Variants in ABHD2 observed in about 807,000 individuals in gnomAD.
ABHD2 encodes the protein monoacylglycerol lipase ABHD2.
ABHD2 carries 20 observed loss-of-function variants against 48.1 expected under a neutral mutation model. The ratio of observed to expected loss-of-function variants is 0.42; its 90% CI spans 0.29 to 0.60. The LOEUF is 0.60. Ranked by LOEUF, ABHD2 falls within the 20% of genes least tolerant of loss-of-function variation. The pLI is 0.24. For missense variants in ABHD2, 405 were observed against 550.9 expected (o/e 0.74, Z 2.65); for synonymous variants, 209 against 214.2 (o/e 0.98, Z 0.21).
chr15:89,122,393 G>A (rs897735409), intron 3 of ABHD2, among the ~76,000 whole-genome samples: 1 of 152,188 alleles, frequency 6.6e-6, no homozygotes, highest in South Asian at 2.1e-4. Context: ...ATGCCATTCT[G>A]TATCTTGTTT....
chr15:89,053,313 G>C, the ABHD2 span, among the ~76,000 whole-genome samples: 7 of 152,156 alleles, frequency 4.6e-5, no homozygotes, highest in African/African-American at 1.7e-4. Context: ...CCCAGAGACA[G>C]TAGTAACTTG....
chr15:89,179,506 A>G lies in ABHD2; in HGVS notation c.722+3511A>G, dbSNP rs2051072953. Among the ~76,000 whole-genome samples, 2 of 152,160 alleles carry G rather than the reference A, an allele frequency of 1.3e-5. No individual in the cohort carries two copies. The highest frequency in any genetic ancestry group is 1.5e-5 in the Non-Finnish European group (1 of 68,022). ...ATCTGATGATCTGTCGCTGTCTCCC[A>G]TCACCCCCAGATGGGACTGTCTAGT... On this transcript the variant is annotated intron_variant, in intron 6 of 10. Transcript: ENST00000352732. The surrounding 1 kb of genome is among the most constrained non-coding windows in gnomAD (Gnocchi z 4.3).
At chr15:89,052,137 G>C in the ABHD2 span, among the ~76,000 whole-genome samples, 1 of 152,192 alleles carries the variant, frequency 6.6e-6, no homozygotes, top group South Asian at 2.1e-4. Flanking sequence ...TATTCAACTA[G>C]GTTACTCATA....
chr15:89,070,828 AG>A, the ABHD2 span, among the ~76,000 whole-genome samples: 1 of 152,134 alleles, frequency 6.6e-6, no homozygotes, highest in Non-Finnish European at 1.5e-5. Context: ...TCCTGGGGAT[AG>A]GGAATATTTC....
chr15:89,110,605 G>A (rs1292555823), intron 1 of ABHD2, among the ~76,000 whole-genome samples: 1 of 152,004 alleles, frequency 6.6e-6, no homozygotes, highest in Non-Finnish European at 1.5e-5. Flanking sequence ...CCTTCACAGT[G>A]CTAGGTGCAC....
rs527734476 is a variant in ABHD2 at position 89,177,661 on chromosome 15, T to C, written c.722+1666T>C. ...CCAGGAATCTTTTCCTTCACTCCTCTGGACACTGGGGAGTCAGCTGAGAGG... is the reference window on the plus strand; with the variant it reads ...CCAGGAATCTTTTCCTTCACTCCTCCGGACACTGGGGAGTCAGCTGAGAGG... On this transcript the variant is annotated intron_variant, in intron 6 of 10. Coordinates refer to ENST00000352732, the MANE Select transcript of ABHD2 (RefSeq NM_152924.5). The surrounding 1 kb of genome is among the most constrained non-coding windows in gnomAD (Gnocchi z 5.6). 1.1e-4 allele frequency among the ~76,000 whole-genome samples: 16 copies of C among 152,188 alleles called. No homozygotes were observed. The highest frequency in any genetic ancestry group is 3.6e-4 in the African/African-American group (15 of 41,522).
intron 3 of ABHD2, among the ~76,000 whole-genome samples, chr15:89,130,554 A>T (rs1476508655): frequency 6.6e-6 from 1 of 152,086 alleles, no homozygotes; most frequent in Non-Finnish European, 1.5e-5. Context: ...ATCACTAGAG[A>T]CAGAAACTAC....
chr15:89,088,114 C>T (rs886251975), upstream of ABHD2: 1 of 152,384 alleles, frequency 6.6e-6, no homozygotes, highest in Admixed American at 6.5e-5. The surrounding 1 kb of genome is among the most constrained non-coding windows in gnomAD (Gnocchi z 6.8). Flanking sequence ...GTCTCTTCAC[C>T]CCGCCCCCAT....
the ABHD2 span, among the ~76,000 whole-genome samples, chr15:89,053,623 G>A: frequency 1.3e-5 from 2 of 152,220 alleles, no homozygotes; most frequent in Non-Finnish European, 2.9e-5. Context: ...GCACTAAGCA[G>A]AGGCCATGGA....
intron 4 of ABHD2, among the ~76,000 whole-genome samples, chr15:89,154,422 A>G (rs948221376): frequency 1.3e-5 from 2 of 152,224 alleles, no homozygotes; most frequent in African/African-American, 2.4e-5. Flanking sequence ...GTATGTATTC[A>G]TATTTTTAAG....
At chr15:89,165,193 C>G (rs968226355) in intron 5 of ABHD2, among the ~76,000 whole-genome samples, 20 of 152,198 alleles carry the variant, frequency 1.3e-4, no homozygotes, top group African/African-American at 4.8e-4. Flanking sequence ...ACGCCTCCAG[C>G]TCAAAGCCAC....
At chr15:89,130,821 C>G (rs2050207168) in intron 3 of ABHD2, among the ~76,000 whole-genome samples, 1 of 152,186 alleles carries the variant, frequency 6.6e-6, no homozygotes, top group African/African-American at 2.4e-5. Context: ...TGGCCCAAGA[C>G]AATTCTTCCA....
At chr15:89,105,447 T>G (rs1197020969) in intron 1 of ABHD2, among the ~76,000 whole-genome samples, 1 of 152,252 alleles carries the variant, frequency 6.6e-6, no homozygotes, top group Admixed American at 6.5e-5. Context: ...TGTGTGACCT[T>G]ATGACTTTGT....
At chr15:89,041,550 CT>C in the ABHD2 span, among the ~76,000 whole-genome samples, 1 of 152,248 alleles carries the variant, frequency 6.6e-6, no homozygotes, top group East Asian at 1.9e-4. Context: ...AAAAGCCAGA[CT>C]GTCCTAGTGT....
the ABHD2 span, among the ~76,000 whole-genome samples, chr15:89,047,389 G>A: frequency 6.6e-6 from 1 of 152,102 alleles, no homozygotes; most frequent in African/African-American, 2.4e-5. Context: ...TTGGGGTGGA[G>A]AGTTCTGTAG....
chr15:89,142,169 G>T (rs1435408134), intron 3 of ABHD2, among the ~76,000 whole-genome samples: 2 of 152,190 alleles, frequency 1.3e-5, no homozygotes, highest in African/African-American at 4.8e-5. Context: ...GAACTCCCTA[G>T]CCTCAGGATC....
At chr15:89,049,112 G>C in the ABHD2 span, among the ~76,000 whole-genome samples, 2,966 of 152,044 alleles carry the variant, frequency 0.02, 92 homozygotes, top group African/African-American at 0.067. Context: ...CAGACAGGAC[G>C]CTCAGCTGCA....
chr15:89,185,340 C>A lies in ABHD2; in HGVS notation c.723-84C>A. 9.5e-7 allele frequency: 1 copy of A among 1,056,798 alleles called. No homozygotes were observed. The allele number at this position is 1,056,798 out of a possible 1,614,324, so 65.5% of individuals were successfully genotyped here. ...GAGCCGGCCCTCTCCACACAAGCAC[C>A]TCACCCCATGGCTAGAGCCCCCTCC... On this transcript the variant is annotated intron_variant, in intron 6 of 10. Coordinates refer to ENST00000352732, the MANE Select transcript of ABHD2 (RefSeq NM_152924.5). The surrounding 1 kb of genome is among the most constrained non-coding windows in gnomAD (Gnocchi z 5.9).
chr15:89,144,054 A>G (rs1033098610), intron 3 of ABHD2, among the ~76,000 whole-genome samples: 1 of 152,238 alleles, frequency 6.6e-6, no homozygotes, highest in African/African-American at 2.4e-5. Context: ...AATTGAAAAC[A>G]GATGTTCAAA....
Sources: allele counts gnomAD v4.1 joint callset (sites outside exome capture counted in the v4.1 genomes callset), GRCh38; gene constraint gnomAD v4.1.1; non-coding constraint Gnocchi (gnomAD v3.1); transcripts MANE v1.5; gene names NCBI Gene and HGNC (gene_info 2026-07-23, HGNC 2026-07-21).